KHDRBS2: variants seen among roughly 807,000 people sequenced by gnomAD.
The protein encoded by KHDRBS2 is KH RNA binding domain containing, signal transduction associated 2.
In KHDRBS2, 26 loss-of-function variants were observed where a neutral mutation model predicts 44.3. That is an observed-to-expected ratio of 0.59 (90% confidence interval 0.43 to 0.81). The LOEUF is 0.81. Among genes scored for constraint, KHDRBS2 ranks in the 40% least tolerant of loss-of-function variants. The pLI, the probability that KHDRBS2 is intolerant of heterozygous loss-of-function variation, is 0.00. For missense variants in KHDRBS2, 476 were observed against 433.1 expected (o/e 1.10, Z -0.88); for synonymous variants, 194 against 151.1 (o/e 1.28, Z -2.08).
chr6:61,550,726 A>C, the KHDRBS2 span, among the ~76,000 whole-genome samples: 1 of 136,168 alleles, frequency 7.3e-6, no homozygotes, highest in African/African-American at 2.8e-5. Context: ...TTTTTTTTTT[A>C]CTTCTTAATA....
chr6:61,747,197 T>C (rs758792651), intron 6 of KHDRBS2, among the ~76,000 whole-genome samples: 2 of 152,202 alleles, frequency 1.3e-5, no homozygotes, highest in Non-Finnish European at 2.9e-5. Flanking sequence ...AAGCTTAAAA[T>C]GTTGTTGGCA....
At chr6:62,159,288 AGTTG>A (rs1277615474) in intron 2 of KHDRBS2, among the ~76,000 whole-genome samples, 1 of 152,158 alleles carries the variant, frequency 6.6e-6, no homozygotes, top group Non-Finnish European at 1.5e-5. Context: ...TAGGCATTAC[AGTTG>A]AGTAAAATTT....
At chr6:61,740,002 C>A (rs1377496679) in intron 6 of KHDRBS2, among the ~76,000 whole-genome samples, 3 of 151,792 alleles carry the variant, frequency 2.0e-5, no homozygotes, top group Admixed American at 1.3e-4. Flanking sequence ...TTTTACAAAT[C>A]TTGTGAGCCA....
At chr6:61,793,033 T>C (rs538891063) in intron 6 of KHDRBS2, among the ~76,000 whole-genome samples, 2 of 152,084 alleles carry the variant, frequency 1.3e-5, no homozygotes, top group East Asian at 3.9e-4. Context: ...GCTTCGATGA[T>C]TAATATCTTT....
At chr6:62,041,360 C>A (rs1786469246) in intron 3 of KHDRBS2, among the ~76,000 whole-genome samples, 1 of 151,966 alleles carries the variant, frequency 6.6e-6, no homozygotes, top group South Asian at 2.1e-4. Flanking sequence ...AATTTCAGAT[C>A]AGCAGTAAAG....
intron 7 of KHDRBS2, among the ~76,000 whole-genome samples, chr6:61,702,060 A>G (rs1768770062): frequency 6.6e-6 from 1 of 151,560 alleles, no homozygotes; most frequent in Non-Finnish European, 1.5e-5. Context: ...TTTTTTTTTA[A>G]CAGAAAGAAA....
intron 6 of KHDRBS2, among the ~76,000 whole-genome samples, chr6:61,776,651 A>G (rs1782072135): frequency 6.6e-6 from 1 of 152,224 alleles, no homozygotes; most frequent in South Asian, 2.1e-4. Context: ...GGTGCTGGAG[A>G]GGATGTGAAG....
intron 2 of KHDRBS2, among the ~76,000 whole-genome samples, chr6:62,170,860 T>A (rs1819846866): frequency 6.6e-6 from 1 of 150,854 alleles, no homozygotes. Context: ...AACTGAGCTG[T>A]GGCCCCCTGA....
At chr6:62,085,688 A>C (rs1040549049) in intron 2 of KHDRBS2, among the ~76,000 whole-genome samples, 7 of 152,152 alleles carry the variant, frequency 4.6e-5, no homozygotes, top group Non-Finnish European at 1.0e-4. Flanking sequence ...TACCAGAATA[A>C]TGAAAGGCAA....
chr6:61,642,233 G>A, the KHDRBS2 span, among the ~76,000 whole-genome samples: 1 of 152,064 alleles, frequency 6.6e-6, no homozygotes, highest in African/African-American at 2.4e-5. Context: ...ATACCTGGAA[G>A]ATAGGTCATT....
chr6:61,816,942 T>C (rs968114421), intron 6 of KHDRBS2: 133 of 455,744 alleles, frequency 2.9e-4, no homozygotes, highest in African/African-American at 2.5e-3. Context: ...CATTTCTACT[T>C]GAGACAACTT....
chr6:62,063,855 T>C (rs1441345100), intron 2 of KHDRBS2, among the ~76,000 whole-genome samples: 5 of 134,906 alleles, frequency 3.7e-5, no homozygotes, highest in African/African-American at 8.3e-5. Context: ...TGTTTGCAGA[T>C]GACATGATTG....
At chr6:62,084,545 T>A (rs1245266360) in intron 2 of KHDRBS2, among the ~76,000 whole-genome samples, 1 of 152,154 alleles carries the variant, frequency 6.6e-6, no homozygotes, top group Non-Finnish European at 1.5e-5. Flanking sequence ...GCCAGAGAAT[T>A]CAGAGTTTGA....
At chr6:62,102,884 A>G (rs906355018) in intron 2 of KHDRBS2, among the ~76,000 whole-genome samples, 7 of 152,152 alleles carry the variant, frequency 4.6e-5, no homozygotes, top group Admixed American at 3.9e-4. Flanking sequence ...TTTTTGTGCC[A>G]CATCCAGGAA....
intron 6 of KHDRBS2, among the ~76,000 whole-genome samples, chr6:61,761,050 G>A (rs550442876): frequency 3.9e-5 from 6 of 152,298 alleles, no homozygotes; most frequent in South Asian, 2.1e-4. Flanking sequence ...TTTGCCTTCC[G>A]AATATCTTCC....
chr6:61,941,849 C>T (rs753588201), intron 4 of KHDRBS2, among the ~76,000 whole-genome samples: 3 of 152,036 alleles, frequency 2.0e-5, no homozygotes, highest in Non-Finnish European at 2.9e-5. Context: ...ATAAAGAAAA[C>T]ATAAAAAAGC....
chr6:61,727,704 G>A (rs1161887470), intron 7 of KHDRBS2, among the ~76,000 whole-genome samples: 1 of 151,958 alleles, frequency 6.6e-6, no homozygotes, highest in East Asian at 1.9e-4. Context: ...CTGATCATTA[G>A]AGAAAAATCA....
the KHDRBS2 span, among the ~76,000 whole-genome samples, chr6:61,558,094 T>C: frequency 7.9e-5 from 12 of 152,290 alleles, no homozygotes; most frequent in East Asian, 1.7e-3. Context: ...TTCATTGACC[T>C]TTTGTGTTGT....
intron 7 of KHDRBS2, among the ~76,000 whole-genome samples, chr6:61,702,829 T>C (rs1768906916): frequency 6.6e-6 from 1 of 152,064 alleles, no homozygotes; most frequent in East Asian, 1.9e-4. Context: ...ATCTATTTCA[T>C]TATTTTTAGT....
Sources: allele counts gnomAD v4.1 joint callset (sites outside exome capture counted in the v4.1 genomes callset), GRCh38; gene constraint gnomAD v4.1.1; transcripts MANE v1.5; gene names NCBI Gene and HGNC (gene_info 2026-07-23, HGNC 2026-07-21).